The following BICD2 variants were observed in gnomAD, a reference collection of about 807,000 sequenced individuals.
BICD2 encodes BICD cargo adaptor 2, also known as protein bicaudal D homolog 2.
Under a neutral mutation model 72.9 loss-of-function variants are expected in BICD2, and 25 were observed. That is an observed-to-expected ratio of 0.34 (90% CI 0.25 to 0.48). The LOEUF (loss-of-function observed/expected upper bound fraction) is 0.48. Among genes scored for constraint, BICD2 ranks in the 20% least tolerant of loss-of-function variants. BICD2 has a pLI of 0.99. For missense variants in BICD2, 894 were observed against 1,175.2 expected (o/e 0.76, Z 3.50); for synonymous variants, 501 against 516.1 (o/e 0.97, Z 0.40).
chr9:92,762,793 C>T (rs536937479), intron 1 of BICD2, among the ~76,000 whole-genome samples: 2 of 152,342 alleles, frequency 1.3e-5, no homozygotes, highest in South Asian at 4.1e-4. Context: ...ACTGTAGAGG[C>T]TGCCCAGGAG....
Position 92,719,205 on chromosome 9 carries a change from T to A in BICD2, c.1440A>T (p.Ala480=), listed in dbSNP as rs201784829. The part of the protein sequence containing the change: ...EKGRYEAEGQ[A]LTEKVSLLEK... The stretch of plus-strand genomic sequence containing the variant: ...CTAGCAGGGAGACCTTCTCCGTGAG[T>A]GCCTGGCCCTCAGCCTCATAGCGGC... The change falls in exon 5 of 7, where the codon GCA becomes GCT. Residue 480 remains alanine, a synonymous_variant. Coordinates refer to ENST00000356884, the MANE Select transcript of BICD2 (RefSeq NM_001003800.2). The A allele has an allele frequency of 1.6e-5, 25 of 1,610,948 alleles. No individual in the cohort carries two copies. Among genetic ancestry groups the A allele is most frequent in the Non-Finnish European group, 2.0e-5 (24 of 1,179,960 alleles).
At chr9:92,742,983 C>T (rs889288983) in intron 1 of BICD2, among the ~76,000 whole-genome samples, 1 of 152,126 alleles carries the variant, frequency 6.6e-6, no homozygotes, top group Non-Finnish European at 1.5e-5. Context: ...GGGTTGTTTC[C>T]ACTTTTAGGC....
Position 92,726,561 on chromosome 9 carries a change from T to C in BICD2, c.453+2463A>G, listed in dbSNP as rs551366694. ...GGCAGCAGAAGACAAGAGCTATGCATGACTGGGACTGGTGGTGGTGAGACA... is the reference window on the plus strand; with the variant it reads ...GGCAGCAGAAGACAAGAGCTATGCACGACTGGGACTGGTGGTGGTGAGACA... On this transcript the variant is annotated intron_variant, in intron 2 of 6. Transcript: ENST00000356884. Among the ~76,000 whole-genome samples the C allele has an allele frequency of 3.3e-5, 5 of 152,196 alleles. No individual in the cohort carries two copies. In the South Asian group the frequency reaches 1.0e-3, roughly 32 times the overall value.
chr9:92,738,852 G>A (rs1245551749), intron 1 of BICD2, among the ~76,000 whole-genome samples: 1 of 152,210 alleles, frequency 6.6e-6, no homozygotes, highest in Non-Finnish European at 1.5e-5. Flanking sequence ...AATGAGGCAG[G>A]ACTTGTTCCA....
intron 1 of BICD2, among the ~76,000 whole-genome samples, chr9:92,737,017 A>G (rs1853802157): frequency 6.6e-6 from 1 of 150,974 alleles, no homozygotes; most frequent in Non-Finnish European, 1.5e-5. Context: ...TAGGAGATAG[A>G]GAAGGCAGGC....
chr9:92,740,982 C>T (rs560515507), intron 1 of BICD2, among the ~76,000 whole-genome samples: 4 of 152,264 alleles, frequency 2.6e-5, no homozygotes, highest in East Asian at 3.9e-4. Context: ...GCTCAGGTCT[C>T]GGCCTAAAGT....
rs766286336 is a variant in BICD2, at chr9:92,718,640, T to G, written c.2005A>C (p.Lys669Gln). ...AGGATCTCCTCCATAAGCGCTTCCT[T>G]GTCCTTGTCCACGGCGGGGCCCAGC... The part of the protein sequence containing the change: ...QELGPAVDKD[K>Q]EALMEEILKL... Residue 669 changes from lysine to glutamine, a missense_variant, in exon 5 of 7, where the codon AAG becomes CAG. By Grantham distance (53) the Lys-to-Gln change is moderately conservative (BLOSUM62 1). This residue lies in a region of BICD2 where 321 missense variants were observed against 443.9 expected (regional missense o/e 0.72). Transcript: ENST00000356884. 1.2e-6 allele frequency: 2 copies of G among 1,613,922 alleles called. No homozygotes were observed. The highest frequency in any genetic ancestry group is 2.7e-5 in the African/African-American group (2 of 75,038).
intron 1 of BICD2, among the ~76,000 whole-genome samples, chr9:92,742,060 T>C (rs1458598364): frequency 6.6e-6 from 1 of 152,126 alleles, no homozygotes; most frequent in Non-Finnish European, 1.5e-5. Flanking sequence ...GAGAAAATTA[T>C]AAAAATACTA....
chr9:92,752,551 T>A (rs10992448), intron 1 of BICD2, among the ~76,000 whole-genome samples: 28,307 of 152,032 alleles, frequency 0.19, 3,796 homozygotes, highest in East Asian at 0.72. Context: ...GAGAAGTACA[T>A]AAGCCAAGGA....
chr9:92,718,028 C>T (rs1853359140), intron 5 of BICD2, 80 bp from the exon 6 acceptor site: 2 of 1,520,474 alleles, frequency 1.3e-6, no homozygotes, highest in South Asian at 2.5e-5. Context: ...GATCGGGAGC[C>T]CCGGTCTGAA....
rs2131500674 is a variant in BICD2, at chr9:92,719,171, T to C, written c.1474A>G (p.Ser492Gly). 1.2e-6 allele frequency: 2 copies of C among 1,611,044 alleles called. No homozygotes were observed. Among genetic ancestry groups the C allele is most frequent in the African/African-American group, 1.3e-5 (1 of 75,054 alleles). Residue 492 changes from serine (S) to glycine (G), a missense_variant, in exon 5 of 7, where the codon AGC becomes GGC. By Grantham distance (56) the Ser-to-Gly change is moderately conservative (BLOSUM62 0). Around this residue, in one of 5 missense-constraint regions of BICD2, gnomAD observed 371 missense variants for 439.1 expected, o/e 0.84. Coordinates refer to ENST00000356884, the MANE Select transcript of BICD2 (RefSeq NM_001003800.2). ...GCCAGCAGCTCGCGGTCCTGGCGGC[T>C]GGCCTTCTCTAGCAGGGAGACCTTC... is the stretch of plus-strand genomic sequence containing the variant. ...TEKVSLLEKASRQDRELLARL... is the reference protein window; with the variant it reads ...TEKVSLLEKAGRQDRELLARL...
At chr9:92,734,660 T>C (rs1853742870) in intron 1 of BICD2, among the ~76,000 whole-genome samples, 1 of 148,794 alleles carries the variant, frequency 6.7e-6, no homozygotes, top group South Asian at 2.2e-4. Context: ...AGGAGTGCAA[T>C]TAAGCACTAA....
chr9:92,727,009 G>T (rs1300494859), intron 2 of BICD2, among the ~76,000 whole-genome samples: 1 of 152,178 alleles, frequency 6.6e-6, no homozygotes, highest in African/African-American at 2.4e-5. Flanking sequence ...CAGACAGATG[G>T]CAGCTGGGGC....
intron 1 of BICD2, among the ~76,000 whole-genome samples, chr9:92,734,005 G>A (rs907020771): frequency 6.6e-6 from 1 of 151,848 alleles, no homozygotes. Context: ...CCAAGTATCT[G>A]TCATCAGGAG....
At chr9:92,757,522 T>G (rs923621821) in intron 1 of BICD2, among the ~76,000 whole-genome samples, 2 of 146,278 alleles carry the variant, frequency 1.4e-5, no homozygotes, top group African/African-American at 5.1e-5. Context: ...GGTTAAGTTT[T>G]GTAAGAAAAG....
chr9:92,718,139 T>C (rs771590763), intron 5 of BICD2, among the ~76,000 whole-genome samples, 191 bp from the exon 6 acceptor site: 1 of 152,174 alleles, frequency 6.6e-6, no homozygotes, highest in Non-Finnish European at 1.5e-5. Context: ...TCCCACCTGC[T>C]GATTCTGACT....
chr9:92,728,899 G>A, intron 2 of BICD2, 125 bp downstream of exon 2: 2 of 1,063,852 alleles, frequency 1.9e-6, no homozygotes, highest in Non-Finnish European at 2.7e-6. Flanking sequence ...AGGAAAGCAA[G>A]ACAGACCAGC....
At chr9:92,756,120 C>T (rs1289528950) in intron 1 of BICD2, among the ~76,000 whole-genome samples, 3 of 152,330 alleles carry the variant, frequency 2.0e-5, no homozygotes, top group African/African-American at 7.2e-5. Flanking sequence ...CATCTACACC[C>T]ACTAGATGAC....
In BICD2 at chr9:92,720,372, G is replaced by C. The variant is rs371444272; in HGVS notation, c.990C>G (p.Pro330=). ...PKKEGLAPPS[P]SLVSDLLSEL... ...CACTGAGTAGGTCGGAGACGAGGCT[G>C]GGGGAGGGCGGTGCGAGGCCCTCCT... Residue 330 remains proline, a synonymous_variant, in exon 4 of 7, where the codon CCC becomes CCG. Coordinates refer to ENST00000356884, the MANE Select transcript of BICD2 (RefSeq NM_001003800.2). The surrounding 1 kb of genome is among the most constrained non-coding windows in gnomAD (Gnocchi z 5.4). 2.0e-5 allele frequency: 32 copies of C among 1,613,864 alleles called. No individual in the cohort carries two copies. The highest frequency in any genetic ancestry group is 2.1e-5 in the Non-Finnish European group (25 of 1,180,038).
Sources: allele counts gnomAD v4.1 joint callset (sites outside exome capture counted in the v4.1 genomes callset), GRCh38; gene constraint gnomAD v4.1.1; regional missense constraint gnomAD v4.1.1; non-coding constraint Gnocchi (gnomAD v3.1); transcripts MANE v1.5; gene names NCBI Gene and HGNC (gene_info 2026-07-23, HGNC 2026-07-21).